The following IQCJ variants were observed in gnomAD, a reference collection of about 807,000 sequenced individuals.
IQCJ encodes the protein IQ motif containing J, also known as IQ domain-containing protein J.
A neutral mutation model predicts 11.0 loss-of-function variants in IQCJ; 9 were observed. The ratio of observed to expected loss-of-function variants is 0.82; its 90% CI spans 0.49 to 1.43. IQCJ has a LOEUF of 1.43. Among genes scored for constraint, IQCJ ranks in the 40% most tolerant of loss-of-function variants. The probability of loss-of-function intolerance (pLI) is 0.00; values close to 1 mark genes in which losing one functional copy is unlikely to be tolerated. For missense variants in IQCJ, 146 were observed against 133.2 expected (o/e 1.10, Z -0.47); for synonymous variants, 55 against 51.3 (o/e 1.07, Z -0.31).
At chr3:159,076,877 GT>G (rs1278523518) in intron 1 of IQCJ, among the ~76,000 whole-genome samples, 2 of 152,056 alleles carry the variant, frequency 1.3e-5, no homozygotes, top group African/African-American at 2.4e-5. Context: ...CTGTGCCTTA[GT>G]TTTTTTGTCT....
chr3:159,143,224 C>T (rs1468927862), intron 1 of IQCJ, among the ~76,000 whole-genome samples: 2 of 152,182 alleles, frequency 1.3e-5, no homozygotes, highest in Non-Finnish European at 2.9e-5. Context: ...ATAAAACTCA[C>T]ATAGTCCACA....
chr3:159,133,495 C>G (rs1265539892), intron 1 of IQCJ, among the ~76,000 whole-genome samples: 1 of 152,108 alleles, frequency 6.6e-6, no homozygotes, highest in Non-Finnish European at 1.5e-5. Context: ...TAAATAAAAA[C>G]CTTTCATTTT....
chr3:159,139,488 G>A (rs979762297), intron 1 of IQCJ, among the ~76,000 whole-genome samples: 2 of 152,120 alleles, frequency 1.3e-5, no homozygotes, highest in South Asian at 2.1e-4. Flanking sequence ...GTCACCAAGC[G>A]GTCCTCTCTC....
chr3:159,233,752 C>T (rs923237632), intron 1 of IQCJ, among the ~76,000 whole-genome samples: 1 of 152,104 alleles, frequency 6.6e-6, no homozygotes, highest in African/African-American at 2.4e-5. Flanking sequence ...TAATTGCTAT[C>T]CTTGGTGTGA....
At chr3:159,163,240 T>G (rs2108224284) in intron 1 of IQCJ, among the ~76,000 whole-genome samples, 1 of 152,332 alleles carries the variant, frequency 6.6e-6, no homozygotes. Flanking sequence ...CAAGTGGGCT[T>G]CAGCCCTGGG....
At chr3:159,080,862 C>T (rs764843818) in intron 1 of IQCJ, among the ~76,000 whole-genome samples, 1 of 152,046 alleles carries the variant, frequency 6.6e-6, no homozygotes, top group Non-Finnish European at 1.5e-5. Flanking sequence ...CTGACTGTCT[C>T]TCCTCTAGAA....
chr3:159,149,136 A>C (rs2108197993), intron 1 of IQCJ, among the ~76,000 whole-genome samples: 1 of 152,372 alleles, frequency 6.6e-6, no homozygotes, highest in East Asian at 1.9e-4. Context: ...TTACAAGGTA[A>C]AAATGAATAG....
At chr3:159,227,176 G>A (rs1202671520) in intron 1 of IQCJ, among the ~76,000 whole-genome samples, 1 of 152,070 alleles carries the variant, frequency 6.6e-6, no homozygotes, top group Non-Finnish European at 1.5e-5. Context: ...TGATAGCAAC[G>A]AACAAAGAAA....
chr3:159,233,226 G>C (rs1726370394), intron 1 of IQCJ, among the ~76,000 whole-genome samples: 1 of 152,106 alleles, frequency 6.6e-6, no homozygotes. Flanking sequence ...TGGAAAGAGA[G>C]GGCATGTCAC....
At chr3:159,093,309 G>C (rs563967245) in intron 1 of IQCJ, among the ~76,000 whole-genome samples, 1 of 151,890 alleles carries the variant, frequency 6.6e-6, no homozygotes, top group Admixed American at 6.5e-5. Context: ...ATCTACCTCA[G>C]TTTCCTAGAG....
downstream of IQCJ, chr3:159,265,335 C>G (rs563883596): frequency 6.2e-7 from 1 of 1,613,654 alleles, no homozygotes; most frequent in African/African-American, 1.3e-5. Context: ...GCTTGCCAGA[C>G]CCACTGGGTT....
intron 1 of IQCJ, among the ~76,000 whole-genome samples, chr3:159,149,774 T>C (rs764503275): frequency 2.0e-5 from 3 of 152,222 alleles, no homozygotes; most frequent in Non-Finnish European, 4.4e-5. Flanking sequence ...ATTGTTCTTA[T>C]ATCCCATTTG....
intron 1 of IQCJ, among the ~76,000 whole-genome samples, chr3:159,091,655 CACA>C: frequency 1.7e-5 from 1 of 59,282 alleles, no homozygotes; most frequent in Non-Finnish European, 3.8e-5. Context: ...TTTACACACA[CACA>C]CACACACACA....
intron 1 of IQCJ, among the ~76,000 whole-genome samples, chr3:159,163,903 G>A (rs1270791422): frequency 6.6e-6 from 1 of 152,088 alleles, no homozygotes; most frequent in African/African-American, 2.4e-5. Flanking sequence ...CTCTGCATAT[G>A]TGTACCAGGC....
chr3:159,089,494 G>A (rs1020218383), intron 1 of IQCJ, among the ~76,000 whole-genome samples: 4 of 151,840 alleles, frequency 2.6e-5, no homozygotes, highest in Admixed American at 6.5e-5. Context: ...AAGTTCTCCT[G>A]GATAATATCC....
chr3:159,242,918 G>A (rs1727023016), intron 1 of IQCJ, among the ~76,000 whole-genome samples: 1 of 152,020 alleles, frequency 6.6e-6, no homozygotes, highest in Non-Finnish European at 1.5e-5. Flanking sequence ...TGACAAAAGA[G>A]TTGTACCCCA....
At chr3:159,101,748 C>G (rs1376623213) in intron 1 of IQCJ, among the ~76,000 whole-genome samples, 12 of 152,178 alleles carry the variant, frequency 7.9e-5, no homozygotes, top group Non-Finnish European at 1.5e-4. Flanking sequence ...AACCCCAAGT[C>G]TTTCTGAGAT....
chr3:159,166,801 C>T (rs1347345126), intron 1 of IQCJ, among the ~76,000 whole-genome samples: 1 of 152,126 alleles, frequency 6.6e-6, no homozygotes, highest in Middle Eastern at 3.2e-3. Flanking sequence ...CAGAATTCTT[C>T]CTAGAGGAAA....
chr3:159,217,817 C>G (rs1487015503), intron 1 of IQCJ, among the ~76,000 whole-genome samples: 2 of 152,092 alleles, frequency 1.3e-5, no homozygotes, highest in African/African-American at 4.8e-5. Context: ...GAGTATCCTC[C>G]CTCTTCACCC....
Sources: gnomAD v4.1 joint callset for allele counts (sites outside exome capture counted in the v4.1 genomes callset) on GRCh38, gnomAD v4.1.1 for gene constraint, MANE v1.5 for transcripts, NCBI Gene and HGNC (gene_info 2026-07-23, HGNC 2026-07-21) for gene names.